Variants in CALN1 observed in about 807,000 individuals in gnomAD.
CALN1 encodes calneuron 1.
Under a neutral mutation model 30.6 loss-of-function variants are expected in CALN1, and 17 were observed. The ratio of observed to expected loss-of-function variants is 0.56; its 90% CI spans 0.38 to 0.83. The LOEUF (loss-of-function observed/expected upper bound fraction) is 0.83. Among genes scored for constraint, CALN1 ranks in the 40% least tolerant of loss-of-function variants. The probability of loss-of-function intolerance (pLI) is 0.00; values close to 1 mark genes in which losing one functional copy is unlikely to be tolerated. For missense variants in CALN1, 291 were observed against 354.9 expected, an observed-to-expected ratio of 0.82 and a Z score of 1.45; for synonymous variants, 156 against 131.4, an observed-to-expected ratio of 1.19 and a Z score of -1.28.
At chr7:72,436,577 G>A (rs1808165977) in intron 1 of CALN1, among the ~76,000 whole-genome samples, 1 of 151,542 alleles carries the variant, frequency 6.6e-6, no homozygotes, top group Non-Finnish European at 1.5e-5. Context: ...ATCTTCTTGG[G>A]CCTGGCAGCT....
At chr7:72,034,520 C>T (rs1801665890) in intron 4 of CALN1, among the ~76,000 whole-genome samples, 1 of 151,320 alleles carries the variant, frequency 6.6e-6, no homozygotes, top group Non-Finnish European at 1.5e-5. Flanking sequence ...TGCCCGGGAA[C>T]GGTGGCTCAC....
At chr7:72,314,507 T>C (rs1443141324) in intron 2 of CALN1, among the ~76,000 whole-genome samples, 1 of 151,518 alleles carries the variant, frequency 6.6e-6, no homozygotes, top group African/African-American at 2.4e-5. Flanking sequence ...CACTGCAATC[T>C]CTGCCTCCCG....
intron 2 of CALN1, among the ~76,000 whole-genome samples, chr7:72,367,861 C>A (rs1480824972): frequency 6.6e-6 from 1 of 151,822 alleles, no homozygotes; most frequent in Non-Finnish European, 1.5e-5. Context: ...AGGCCGGGTC[C>A]AGTGGCTCAC....
intron 5 of CALN1, among the ~76,000 whole-genome samples, chr7:72,020,839 CAGG>C (rs1800663403): frequency 6.6e-6 from 1 of 152,166 alleles, no homozygotes; most frequent in Admixed American, 6.5e-5. Context: ...ACCTGGAAGA[CAGG>C]AGGAGTAGGA....
intron 5 of CALN1, among the ~76,000 whole-genome samples, chr7:71,844,953 G>A (rs1790143319): frequency 6.6e-6 from 1 of 152,068 alleles, no homozygotes; most frequent in African/African-American, 2.4e-5. Flanking sequence ...ACCGTGGCAT[G>A]ATCTTGGCTC....
chr7:72,147,211 T>A (rs968204198), intron 3 of CALN1, among the ~76,000 whole-genome samples: 1 of 152,086 alleles, frequency 6.6e-6, no homozygotes, highest in Non-Finnish European at 1.5e-5. Context: ...ATTTTTGCAA[T>A]CTACTCATCT....
At chr7:72,353,446 T>C (rs540845220) in intron 2 of CALN1, among the ~76,000 whole-genome samples, 2 of 152,308 alleles carry the variant, frequency 1.3e-5, no homozygotes, top group East Asian at 3.9e-4. Context: ...GATGAATCAA[T>C]TTAATTTATC....
chr7:72,159,146 C>T (rs867238047), intron 3 of CALN1, among the ~76,000 whole-genome samples: 2 of 152,248 alleles, frequency 1.3e-5, no homozygotes, highest in South Asian at 2.1e-4. Flanking sequence ...GCCACTGAGC[C>T]TGGCTGTTAT....
At chr7:71,838,724 TAGTG>T (rs1380037779) in intron 5 of CALN1, among the ~76,000 whole-genome samples, 33 of 152,288 alleles carry the variant, frequency 2.2e-4, no homozygotes, top group African/African-American at 7.5e-4. Flanking sequence ...GTTCTGGTGA[TAGTG>T]AGTGAGTTCT....
At chr7:72,496,570 C>A in the CALN1 span, among the ~76,000 whole-genome samples, 2 of 152,126 alleles carry the variant, frequency 1.3e-5, no homozygotes, top group African/African-American at 4.8e-5. Flanking sequence ...TTGTTTGGGG[C>A]CTAGGGACTA....
At chr7:72,175,223 G>C (rs924689955) in intron 3 of CALN1, among the ~76,000 whole-genome samples, 1 of 152,020 alleles carries the variant, frequency 6.6e-6, no homozygotes, top group East Asian at 1.9e-4. Flanking sequence ...ACAGGCGCCC[G>C]CCACCACACC....
chr7:72,345,650 C>G (rs938908665), intron 2 of CALN1, among the ~76,000 whole-genome samples: 1 of 151,934 alleles, frequency 6.6e-6, no homozygotes, highest in Non-Finnish European at 1.5e-5. Context: ...AAATTGGAGT[C>G]TATAACCTCC....
intron 2 of CALN1, among the ~76,000 whole-genome samples, chr7:72,364,381 A>AG (rs1166956131): frequency 2.0e-5 from 3 of 152,244 alleles, no homozygotes; most frequent in African/African-American, 7.2e-5. Flanking sequence ...ATATATCTAC[A>AG]GGAATTACAA....
Position 71,949,044 on chromosome 7 carries a change from T to TAAA in CALN1, c.501+74610_501+74612dup, listed in dbSNP as rs34370568. Among the ~76,000 whole-genome samples the TAAA allele has an allele frequency of 1.3e-3, 89 of 66,928 alleles. 1 individual carries two copies. Among genetic ancestry groups the TAAA allele is most frequent in the African/African-American group, 4.7e-3 (77 of 16,312 alleles). 43.9% of individuals were successfully genotyped at this position (66,928 alleles called of 152,430 possible). A position where few individuals can be genotyped will look rare whatever the true frequency, so the allele number is the denominator to read the frequency against. On this transcript the variant is annotated intron_variant, in intron 5 of 6. Transcript: ENST00000395275. ...AGTCACACAGCAAGACTCTGTCTCT[T>TAAA]AAAAAAAAAAAAAAAAAAAAAAAAA...
At chr7:72,085,855 A>T (rs1044615783) in intron 4 of CALN1, among the ~76,000 whole-genome samples, 1 of 152,212 alleles carries the variant, frequency 6.6e-6, no homozygotes, top group South Asian at 2.1e-4. Flanking sequence ...AAAATACAAC[A>T]AACTAGAATA....
intron 2 of CALN1, among the ~76,000 whole-genome samples, chr7:72,400,938 C>T (rs1007500354): frequency 6.6e-6 from 1 of 152,190 alleles, no homozygotes; most frequent in African/African-American, 2.4e-5. Flanking sequence ...ATCAAGGAGA[C>T]TCCTCTCTGC....
intron 3 of CALN1, among the ~76,000 whole-genome samples, chr7:72,179,507 C>T (rs1405770125): frequency 6.6e-6 from 1 of 152,064 alleles, no homozygotes; most frequent in Non-Finnish European, 1.5e-5. Context: ...TCTCATTATA[C>T]ATTGGTAGAC....
chr7:72,198,787 G>A (rs897215014), intron 3 of CALN1, among the ~76,000 whole-genome samples: 1 of 152,180 alleles, frequency 6.6e-6, no homozygotes, highest in Admixed American at 6.5e-5. Flanking sequence ...AGGCAGATGG[G>A]TGCCCTAGGA....
rs5884885 is a variant in CALN1, at chr7:72,333,691, GAA to G, written c.120-54883_120-54882del. On this transcript the variant is annotated intron_variant, in intron 2 of 6. Coordinates refer to ENST00000395275, the MANE Select transcript of CALN1 (RefSeq NM_031468.4). ...CATGGGTACAGAAAGGGAATATGCA[GAA>G]AAAAAAAAAAAAAAAGCTTACCATC... 1.4e-3 allele frequency among the ~76,000 whole-genome samples: 149 copies of G among 107,782 alleles called. 1 individual carries two copies. In the Middle Eastern group the frequency reaches 0.017, roughly 12 times the overall value. The allele number at this position is 107,782 out of a possible 152,430, so 70.7% of individuals were successfully genotyped here. A position where few individuals can be genotyped will look rare whatever the true frequency, so the allele number is the denominator to read the frequency against.
Sources: allele counts gnomAD v4.1 joint callset (sites outside exome capture counted in the v4.1 genomes callset), GRCh38; gene constraint gnomAD v4.1.1; transcripts MANE v1.5; gene names NCBI Gene and HGNC (gene_info 2026-07-23, HGNC 2026-07-21).